Variants in DHX15 observed in about 807,000 individuals in gnomAD.
DHX15 encodes DEAH-box helicase 15, also known as ATP-dependent RNA helicase DHX15.
A neutral mutation model predicts 94.4 loss-of-function variants in DHX15; 11 were observed. That is an observed-to-expected ratio of 0.12 (90% CI 0.07 to 0.19). The LOEUF is 0.19. Among genes scored for constraint, DHX15 ranks in the 10% least tolerant of loss-of-function variants. The pLI, the probability that DHX15 is intolerant of heterozygous loss-of-function variation, is 1.00. For missense variants in DHX15, 304 were observed against 988.5 expected (o/e 0.31, Z 9.29); for synonymous variants, 338 against 329.9 (o/e 1.02, Z -0.27).
At chr4:24,558,691 A>T (rs1721795933) in intron 3 of DHX15, among the ~76,000 whole-genome samples, 1 of 152,142 alleles carries the variant, frequency 6.6e-6, no homozygotes. Context: ...TTCTTGCATC[A>T]CCAGTTAATA....
At position 24,576,689 on chromosome 4, in the gene DHX15, A is replaced by G. The variant is rs1379017617; in HGVS notation, c.72-11T>C. 6.2e-7 allele frequency: 1 copy of G among 1,607,296 alleles called. No homozygotes were observed. The highest frequency in any genetic ancestry group is 8.5e-7 in the Non-Finnish European group (1 of 1,175,118). The stretch of plus-strand genomic sequence containing the variant: ...CGATCTCGATCCTTCCTAAAAACAA[A>G]AATTTAGAATTCAGATTCTGAATTT... On this transcript the variant is annotated splice_polypyrimidine_tract_variant and intron_variant, in intron 1 of 13. Transcript: ENST00000336812.
At chr4:24,552,699 G>A (rs1306737939) in intron 5 of DHX15, among the ~76,000 whole-genome samples, 2 of 152,074 alleles carry the variant, frequency 1.3e-5, no homozygotes, top group Admixed American at 6.5e-5. Context: ...TAAACAAAAC[G>A]TTAGGTTTTC....
intron 2 of DHX15, among the ~76,000 whole-genome samples, chr4:24,574,959 T>C (rs545136191): frequency 6.6e-6 from 1 of 152,170 alleles, no homozygotes; most frequent in Non-Finnish European, 1.5e-5. Flanking sequence ...AGGATTGCTT[T>C]AGCTCAGGAG....
chr4:24,579,716 C>T (rs895876978), intron 1 of DHX15, among the ~76,000 whole-genome samples: 2 of 152,162 alleles, frequency 1.3e-5, no homozygotes, highest in African/African-American at 4.8e-5. Flanking sequence ...ATGTGATGTG[C>T]TTTAAGTGTT....
intron 12 of DHX15, among the ~76,000 whole-genome samples, chr4:24,531,090 A>ATTT (rs368953985): frequency 2.1e-5 from 3 of 142,954 alleles, no homozygotes; most frequent in African/African-American, 5.1e-5. Flanking sequence ...AGTTTCATCA[A>ATTT]TTTTTTTTTT....
intron 5 of DHX15, among the ~76,000 whole-genome samples, chr4:24,553,812 T>G (rs1721662943): frequency 6.6e-6 from 1 of 152,054 alleles, no homozygotes; most frequent in Admixed American, 6.6e-5. Flanking sequence ...AGAAAAACCC[T>G]TTCGTAAAAG....
chr4:24,547,788 T>TC (rs1300669821), intron 6 of DHX15, among the ~76,000 whole-genome samples: 2 of 136,928 alleles, frequency 1.5e-5, no homozygotes, highest in Admixed American at 1.5e-4. Flanking sequence ...CCATGTTGTT[T>TC]AAAAAAAAAA....
chr4:24,541,504 A>T (rs1319060830), intron 8 of DHX15, among the ~76,000 whole-genome samples: 3 of 152,150 alleles, frequency 2.0e-5, no homozygotes, highest in African/African-American at 7.2e-5. Flanking sequence ...TGAAACGCTG[A>T]AAGTTAGTAA....
chr4:24,563,470 C>T (rs1721927754), intron 3 of DHX15: 1 of 152,204 alleles, frequency 6.6e-6, no homozygotes, highest in Non-Finnish European at 1.5e-5. Flanking sequence ...GACTTGTTTA[C>T]AACCTTAATG....
intron 5 of DHX15, among the ~76,000 whole-genome samples, chr4:24,549,736 CA>C (rs1194622427): frequency 6.6e-6 from 1 of 152,074 alleles, no homozygotes; most frequent in Non-Finnish European, 1.5e-5. Context: ...TAACAGTAGG[CA>C]ACTGTAACAC....
intron 2 of DHX15, among the ~76,000 whole-genome samples, chr4:24,572,142 T>A (rs1391434468): frequency 6.6e-6 from 1 of 152,172 alleles, no homozygotes; most frequent in Non-Finnish European, 1.5e-5. Context: ...GATCTTTTGT[T>A]TTTTTGTTTG....
chr4:24,547,927 ATATATATATATATAT>A (rs1721477164), intron 6 of DHX15, among the ~76,000 whole-genome samples: 51 of 102,954 alleles, frequency 5.0e-4, no homozygotes, highest in African/African-American at 1.8e-3. Flanking sequence ...ATATATATAT[ATATATATATATATAT>A]CTATATCTAT....
rs760069226 is a variant in DHX15 at position 24,554,689 on chromosome 4, T to C, written c.1080+36A>G. On this transcript the variant is annotated intron_variant, in intron 5 of 13. Transcript: ENST00000336812. ...GTTGCTGCATATTAGAAACAGTATGTCAAAAGCTAAATAATGAAGAAAATT... is the reference window on the plus strand; with the variant it reads ...GTTGCTGCATATTAGAAACAGTATGCCAAAAGCTAAATAATGAAGAAAATT... The C allele has an allele frequency of 1.7e-5, 26 of 1,541,884 alleles. No homozygotes were observed. In the South Asian group the frequency reaches 2.6e-4, roughly 16 times the overall value.
chr4:24,533,146 G>A, intron 11 of DHX15, 92 bp from the exon 12 acceptor site: 1 of 1,121,274 alleles, frequency 8.9e-7, no homozygotes, highest in East Asian at 2.4e-5. Context: ...TAAAGAATAA[G>A]CTAAATAAAC....
rs766771378 is a variant in DHX15 at position 24,584,304 on chromosome 4, C to A, written c.71+19G>T. 6.2e-7 allele frequency: 1 copy of A among 1,607,030 alleles called. No homozygotes were observed. The highest frequency in any genetic ancestry group is 1.7e-5 in the Admixed American group (1 of 59,550). On this transcript the variant is annotated intron_variant, in intron 1 of 13. Transcript: ENST00000336812. Reference sequence around the variant, plus strand: ...CAACAAAGCCCGAGCTGCCGCCTCGCGCCCCCGGCCTGGCTTACCCATCGG... The same window carrying A: ...CAACAAAGCCCGAGCTGCCGCCTCGAGCCCCCGGCCTGGCTTACCCATCGG...
chr4:24,570,338 C>T (rs975953834), intron 3 of DHX15, among the ~76,000 whole-genome samples: 1 of 152,190 alleles, frequency 6.6e-6, no homozygotes, highest in Non-Finnish European at 1.5e-5. Flanking sequence ...AGACATATCA[C>T]TTTCCTTTTC....
chr4:24,581,720 A>T (rs1383842217), intron 1 of DHX15, among the ~76,000 whole-genome samples: 1 of 152,172 alleles, frequency 6.6e-6, no homozygotes, highest in Non-Finnish European at 1.5e-5. Flanking sequence ...AATATCAAAA[A>T]CCAACATCAA....
At chr4:24,564,066 CAAAAAA>C (rs56255704) in intron 3 of DHX15, among the ~76,000 whole-genome samples, 3 of 74,726 alleles carry the variant, frequency 4.0e-5, no homozygotes, top group African/African-American at 1.0e-4. Context: ...GACTCCGTCT[CAAAAAA>C]AAAAAAAAAA....
chr4:24,533,124 A>G (rs1577331775), intron 11 of DHX15, 70 bp from the exon 12 acceptor site: 1 of 1,321,326 alleles, frequency 7.6e-7, no homozygotes, highest in Non-Finnish European at 1.1e-6. Context: ...TCTCTAATTA[A>G]AAAAATTGTT....
Sources: gnomAD v4.1 joint callset for allele counts (sites outside exome capture counted in the v4.1 genomes callset) on GRCh38, gnomAD v4.1.1 for gene constraint, MANE v1.5 for transcripts, NCBI Gene and HGNC (gene_info 2026-07-23, HGNC 2026-07-21) for gene names.